CCDC148: variants seen among roughly 807,000 people sequenced by gnomAD.
CCDC148 encodes coiled-coil domain-containing protein 148.
Under a neutral mutation model 85.7 loss-of-function variants are expected in CCDC148, and 89 were observed. That is an observed-to-expected ratio of 1.04 (90% CI 0.87 to 1.24). The LOEUF (loss-of-function observed/expected upper bound fraction) is 1.24. Among genes scored for constraint, CCDC148 ranks in the 50% most tolerant of loss-of-function variants. The pLI is 0.00. For synonymous variants in CCDC148, 230 were observed against 213.9 expected (o/e 1.08, Z -0.66); for missense variants, 692 against 671.7 (o/e 1.03, Z -0.33).
chr2:158,361,271 A>C (rs1026089147), intron 1 of CCDC148, among the ~76,000 whole-genome samples: 2 of 152,166 alleles, frequency 1.3e-5, no homozygotes, highest in Non-Finnish European at 2.9e-5. Context: ...ATCCAGGAGA[A>C]CTTCCACAAC....
intron 13 of CCDC148, among the ~76,000 whole-genome samples, chr2:158,175,946 T>C (rs948630388): frequency 2.0e-5 from 3 of 152,010 alleles, no homozygotes; most frequent in African/African-American, 7.2e-5. Context: ...AAAGATCTTT[T>C]AAAATCCTTT....
At chr2:158,384,939 T>C (rs910251611) in intron 1 of CCDC148, among the ~76,000 whole-genome samples, 1 of 152,174 alleles carries the variant, frequency 6.6e-6, no homozygotes, top group African/African-American at 2.4e-5. Context: ...TTCCAGAACC[T>C]TAAGGGAAAA....
chr2:158,366,457 T>A (rs1436611740), intron 1 of CCDC148, among the ~76,000 whole-genome samples: 1 of 152,198 alleles, frequency 6.6e-6, no homozygotes, highest in Non-Finnish European at 1.5e-5. Flanking sequence ...GCACTTTTGG[T>A]AGATACAGAG....
intron 10 of CCDC148, among the ~76,000 whole-genome samples, chr2:158,240,630 G>A (rs1688316040): frequency 6.6e-6 from 1 of 152,018 alleles, no homozygotes; most frequent in Non-Finnish European, 1.5e-5. Context: ...GCTATGTGCT[G>A]GCTTCCAGGC....
intron 9 of CCDC148, among the ~76,000 whole-genome samples, chr2:158,261,229 T>C (rs1689207867): frequency 6.6e-6 from 1 of 151,926 alleles, no homozygotes; most frequent in African/African-American, 2.4e-5. Flanking sequence ...CCTATGACCA[T>C]CTGATCTTCA....
chr2:158,372,465 C>T (rs565976759), intron 1 of CCDC148, among the ~76,000 whole-genome samples: 2 of 152,008 alleles, frequency 1.3e-5, no homozygotes, highest in South Asian at 4.2e-4. Context: ...AAAGACTTAC[C>T]ACTTATCTTC....
intron 10 of CCDC148, among the ~76,000 whole-genome samples, chr2:158,236,743 C>T (rs1688125888): frequency 6.6e-6 from 1 of 152,208 alleles, no homozygotes; most frequent in Non-Finnish European, 1.5e-5. Context: ...CTTTCCTCTA[C>T]ACCATAACAT....
chr2:158,330,997 T>G (rs1350094562), intron 7 of CCDC148, among the ~76,000 whole-genome samples: 1 of 152,154 alleles, frequency 6.6e-6, no homozygotes, highest in Non-Finnish European at 1.5e-5. Context: ...GGTTTTTCTG[T>G]CTCTATTTCC....
chr2:158,279,689 T>A (rs1690166673), intron 9 of CCDC148, among the ~76,000 whole-genome samples: 1 of 152,124 alleles, frequency 6.6e-6, no homozygotes, highest in Admixed American at 6.5e-5. Context: ...GGAACCAAGT[T>A]GAAAAACACT....
intron 7 of CCDC148, among the ~76,000 whole-genome samples, chr2:158,318,616 A>ATT (rs199721186): frequency 2.0e-5 from 3 of 146,934 alleles, no homozygotes; most frequent in African/African-American, 7.4e-5. Context: ...TAGAAAGCTC[A>ATT]TTTTTTTTTT....
intron 12 of CCDC148, among the ~76,000 whole-genome samples, chr2:158,177,462 A>G (rs191114184): frequency 1.6e-4 from 24 of 152,282 alleles, no homozygotes; most frequent in Non-Finnish European, 1.3e-4. Context: ...TAGGTTTGCT[A>G]GCTAAAATAG....
At chr2:158,176,919 T>G (rs1373570388) in intron 12 of CCDC148, among the ~76,000 whole-genome samples, 2 of 152,108 alleles carry the variant, frequency 1.3e-5, no homozygotes, top group East Asian at 3.9e-4. Context: ...ATAATTATAA[T>G]TAATTTCAGA....
intron 7 of CCDC148, among the ~76,000 whole-genome samples, chr2:158,330,304 T>G (rs563346476): frequency 1.3e-5 from 2 of 152,342 alleles, no homozygotes; most frequent in African/African-American, 4.8e-5. Flanking sequence ...ATATGCTGGA[T>G]TACGTTTATT....
At chr2:158,215,480 G>C (rs1388028828) in intron 11 of CCDC148, among the ~76,000 whole-genome samples, 1 of 151,796 alleles carries the variant, frequency 6.6e-6, no homozygotes, top group Non-Finnish European at 1.5e-5. Context: ...TTCGTAATTT[G>C]TCCACTTGTA....
At chr2:158,413,815 G>C (rs1686374063) in intron 1 of CCDC148, among the ~76,000 whole-genome samples, 1 of 152,062 alleles carries the variant, frequency 6.6e-6, no homozygotes. Context: ...TTTGTCCCTT[G>C]GGCTGTAATT....
In CCDC148 at chr2:158,268,042, A is replaced by G. The variant is rs77811338; in HGVS notation, c.1111-17130T>C. On this transcript the variant is annotated intron_variant, in intron 9 of 13. Coordinates refer to ENST00000283233, the MANE Select transcript of CCDC148 (RefSeq NM_138803.4). The stretch of plus-strand genomic sequence containing the variant: ...TTCCAGTTTTTGATGATCACAAATT[A>G]AGCTGCTACACACATTCATGTGCAG... Among the ~76,000 whole-genome samples the G allele has an allele frequency of 7.4e-3, 1,126 of 152,308 alleles. 19 individuals are homozygous for G. The highest frequency in any genetic ancestry group is 0.026 in the African/African-American group (1,075 of 41,566).
chr2:158,239,839 C>T (rs1019330396), intron 10 of CCDC148, among the ~76,000 whole-genome samples: 1 of 151,938 alleles, frequency 6.6e-6, no homozygotes, highest in African/African-American at 2.4e-5. Flanking sequence ...CATATGCTAT[C>T]GTCTCCTTTT....
At chr2:158,305,108 A>C (rs905391220) in intron 9 of CCDC148, among the ~76,000 whole-genome samples, 2 of 152,066 alleles carry the variant, frequency 1.3e-5, no homozygotes, top group Non-Finnish European at 2.9e-5. Flanking sequence ...GATCTGCCAG[A>C]GAGGATCCAA....
chr2:158,331,337 T>C (rs934551724), intron 7 of CCDC148, among the ~76,000 whole-genome samples: 1 of 152,228 alleles, frequency 6.6e-6, no homozygotes, highest in Middle Eastern at 3.2e-3. Flanking sequence ...TTCTTAATCC[T>C]GAGTTCTAGT....
Sources: gnomAD v4.1 joint callset for allele counts (sites outside exome capture counted in the v4.1 genomes callset) on GRCh38, gnomAD v4.1.1 for gene constraint, MANE v1.5 for transcripts, NCBI Gene and HGNC (gene_info 2026-07-23, HGNC 2026-07-21) for gene names.